The following PMPCB variants were observed in gnomAD, a reference collection of about 807,000 sequenced individuals.
The protein encoded by PMPCB is peptidase, mitochondrial processing subunit beta.
Under a neutral mutation model 61.5 loss-of-function variants are expected in PMPCB, and 46 were observed. The observed-to-expected ratio is 0.75, with a 90% CI of 0.59 to 0.96. The LOEUF (loss-of-function observed/expected upper bound fraction) is 0.96. PMPCB is among the 40% of genes least tolerant of loss of function. The probability of loss-of-function intolerance (pLI) is 0.00; values close to 1 mark genes in which losing one functional copy is unlikely to be tolerated. For synonymous variants in PMPCB, 191 were observed against 201.6 expected, an observed-to-expected ratio of 0.95 and a Z score of 0.44; for missense variants, 590 against 602.4, an observed-to-expected ratio of 0.98 and a Z score of 0.22.
At chr7:103,341,031 C>T in the PMPCB span, among the ~76,000 whole-genome samples, 5 of 152,214 alleles carry the variant, frequency 3.3e-5, no homozygotes, top group Admixed American at 3.3e-4. Context: ...TTCTCTTTGT[C>T]TTGTGCCACA....
chr7:103,323,870 G>A (rs1002849847), intron 12 of PMPCB, among the ~76,000 whole-genome samples: 5 of 152,022 alleles, frequency 3.3e-5, no homozygotes, highest in Non-Finnish European at 4.4e-5. Context: ...AAACCACACC[G>A]CCCTGCTATC....
chr7:103,325,436 CAAAAT>C (rs1321508859), intron 12 of PMPCB, among the ~76,000 whole-genome samples: 1 of 120,762 alleles, frequency 8.3e-6, no homozygotes, highest in African/African-American at 2.9e-5. Context: ...GATACTGTCT[CAAAAT>C]AAAAAAGGAA....
chr7:103,300,361 T>G (rs1563444423), intron 4 of PMPCB, 54 bp downstream of exon 4: 7 of 1,346,966 alleles, frequency 5.2e-6, no homozygotes, highest in Non-Finnish European at 6.1e-6. Flanking sequence ...AATCAGGAAT[T>G]ATTTAGTACT....
At chr7:103,309,128 G>GATGGAAGATTATCATGTTTTCTTAAAT (rs1817669229) in intron 8 of PMPCB, 33 bp downstream of exon 8, 2 of 1,522,898 alleles carry the variant, frequency 1.3e-6, no homozygotes, top group Non-Finnish European at 1.8e-6. Context: ...TTCCATAACA[G>GATGGAAGATTATCATGTTTTCTTAAAT]ATGGAAGATT....
chr7:103,315,081 T>C (rs1451973979), downstream of PMPCB, among the ~76,000 whole-genome samples: 1 of 152,138 alleles, frequency 6.6e-6, no homozygotes, highest in Non-Finnish European at 1.5e-5. Flanking sequence ...TAAATTGACT[T>C]CATGACCCAG....
At chr7:103,327,492 G>T (rs1013816509) in intron 12 of PMPCB, 3 of 682,068 alleles carry the variant, frequency 4.4e-6, no homozygotes, top group Non-Finnish European at 7.3e-6. Context: ...ACTTTGTGTC[G>T]TGAGGCTCTG....
chr7:103,313,997 C>G lies in PMPCB; in HGVS notation c.*1726C>G, dbSNP rs1286851397. On this transcript the variant is annotated 3_prime_UTR_variant, in exon 13 of 13. Coordinates refer to ENST00000249269, the MANE Select transcript of PMPCB (RefSeq NM_004279.3). Reference sequence around the variant, plus strand: ...ATCTGTTAAAAGTTAAGCCTAGAAACCAAAGTTCCTTCCCAATTAAAGAAG... The same window carrying G: ...ATCTGTTAAAAGTTAAGCCTAGAAAGCAAAGTTCCTTCCCAATTAAAGAAG... 1 of 985,182 alleles carries G rather than the reference C, an allele frequency of 1.0e-6. No homozygotes were observed. Among genetic ancestry groups the G allele is most frequent in the Non-Finnish European group, 1.2e-6 (1 of 829,906 alleles). The allele number at this position is 985,182 out of a possible 1,614,324, so 61.0% of individuals were successfully genotyped here.
chr7:103,336,964 C>T, the PMPCB span: 1 of 152,212 alleles, frequency 6.6e-6, no homozygotes, highest in African/African-American at 2.4e-5. Flanking sequence ...TATAATACTT[C>T]CTCTTCTTGA....
At position 103,314,142 on chromosome 7, in the gene PMPCB, C is replaced by A; in HGVS notation, c.*1871C>A. On this transcript the variant is annotated 3_prime_UTR_variant, in exon 13 of 13. Transcript: ENST00000249269. The stretch of plus-strand genomic sequence containing the variant: ...CTTTTTTGAAGGTAGCTTTTAAGTT[C>A]TAGGAAGTCTTTTGTTGAATTTCCT... The A allele has an allele frequency of 1.0e-6, 1 of 985,352 alleles. No homozygotes were observed. Among genetic ancestry groups the A allele is most frequent in the Non-Finnish European group, 1.2e-6 (1 of 829,902 alleles). The allele number at this position is 985,352 out of a possible 1,614,324, so 61.0% of individuals were successfully genotyped here.
intron 9 of PMPCB, 62 bp downstream of exon 9, chr7:103,310,537 T>A: frequency 7.7e-7 from 1 of 1,297,360 alleles, no homozygotes; most frequent in Non-Finnish European, 1.1e-6. Flanking sequence ...ACTAGTTTTT[T>A]ATTTATACTT....
At chr7:103,338,731 G>C in the PMPCB span, among the ~76,000 whole-genome samples, 7 of 148,780 alleles carry the variant, frequency 4.7e-5, no homozygotes, top group East Asian at 1.3e-3. Flanking sequence ...CTAACATGGT[G>C]AAACCCTGTC....
chr7:103,299,386 C>T, intron 2 of PMPCB, 57 bp from the exon 3 acceptor site: 1 of 1,043,414 alleles, frequency 9.6e-7, no homozygotes, highest in Non-Finnish European at 1.4e-6. Context: ...GAGACTGTTC[C>T]CCCCAACCTC....
the PMPCB span, chr7:103,335,491 C>T: frequency 6.6e-6 from 1 of 151,312 alleles, no homozygotes; most frequent in Non-Finnish European, 1.5e-5. Context: ...AAATTTTTGG[C>T]TAGAGAATAC....
intron 12 of PMPCB, chr7:103,322,689 T>G: frequency 6.2e-7 from 1 of 1,612,816 alleles, no homozygotes; most frequent in Non-Finnish European, 8.5e-7. Context: ...GGGACTTAAA[T>G]CAATTCTACT....
At chr7:103,345,078 A>G in the PMPCB span, 1 of 294,842 alleles carries the variant, frequency 3.4e-6, no homozygotes, top group African/African-American at 2.1e-5. Context: ...TAAGTAAAAA[A>G]TGAAAATACC....
rs62622397 is a variant in PMPCB, at chr7:103,298,572, T to C, written c.104T>C (p.Leu35Ser). The stretch of plus-strand genomic sequence containing the variant: ...CCACTTCCTACCCCCAACCAGTCAT[T>C]ATATTTTGGAGAGAACAGATTAAGA... Reference protein sequence around the residue: ...LLIRGAAGRSLYFGENRLRST... With the variant: ...LLIRGAAGRSSYFGENRLRST... Residue 35 changes from leucine (L) to serine (S), a missense_variant, in exon 2 of 13, where the codon TTA becomes TCA. Transcript: ENST00000249269. 0.014 allele frequency: 23,007 copies of C among 1,613,538 alleles called. 2,697 individuals are homozygous for C. The African/African-American group carries it at 0.27, about 19-fold the overall frequency.
chr7:103,314,155 T>C lies in PMPCB; in HGVS notation c.*1884T>C. 1.0e-6 allele frequency: 1 copy of C among 985,468 alleles called. No individual in the cohort carries two copies. Among genetic ancestry groups the C allele is most frequent in the Non-Finnish European group, 1.2e-6 (1 of 829,924 alleles). 61.0% of individuals were successfully genotyped at this position (985,468 alleles called of 1,614,324 possible). On this transcript the variant is annotated 3_prime_UTR_variant, in exon 13 of 13. Transcript: ENST00000249269. Reference sequence around the variant, plus strand: ...AGCTTTTAAGTTCTAGGAAGTCTTTTGTTGAATTTCCTTGTATTGGTTTAA... The same window carrying C: ...AGCTTTTAAGTTCTAGGAAGTCTTTCGTTGAATTTCCTTGTATTGGTTTAA...
At position 103,311,936 on chromosome 7, in the gene PMPCB, G is replaced by C. The variant is rs537494434; in HGVS notation, c.1329+40G>C. On this transcript the variant is annotated intron_variant, in intron 11 of 12. Coordinates refer to ENST00000249269, the MANE Select transcript of PMPCB (RefSeq NM_004279.3). ...GTTACTATTGGGTCATGTGTAAAAA[G>C]ATCCTTGTTACAAAAGCTGAGAATA... 3.8e-5 allele frequency: 58 copies of C among 1,528,996 alleles called. No individual in the cohort carries two copies. The South Asian group carries it at 6.3e-4, about 17-fold the overall frequency. The allele number at this position is 1,528,996 out of a possible 1,614,324, so 94.7% of individuals were successfully genotyped here.
rs367829063 is a variant in PMPCB, at chr7:103,313,664, C to T, written c.*1393C>T. ...TTGTGTTGTAGTGTGGTGTTCTCTTCGTCACATCTGCTAAAATCTTGGGAG... is the reference window on the plus strand; with the variant it reads ...TTGTGTTGTAGTGTGGTGTTCTCTTTGTCACATCTGCTAAAATCTTGGGAG... On this transcript the variant is annotated 3_prime_UTR_variant, in exon 13 of 13. Coordinates refer to ENST00000249269, the MANE Select transcript of PMPCB (RefSeq NM_004279.3). 10 of 985,412 alleles carry T rather than the reference C, an allele frequency of 1.0e-5. No homozygotes were observed. The highest frequency in any genetic ancestry group is 1.7e-5 in the African/African-American group (1 of 57,342). 61.0% of individuals were successfully genotyped at this position (985,412 alleles called of 1,614,324 possible). A position where few individuals can be genotyped will look rare whatever the true frequency, so the allele number is the denominator to read the frequency against.
Sources: allele counts gnomAD v4.1 joint callset (sites outside exome capture counted in the v4.1 genomes callset), GRCh38; gene constraint gnomAD v4.1.1; transcripts MANE v1.5; gene names NCBI Gene and HGNC (gene_info 2026-07-23, HGNC 2026-07-21).